DOCK1: variants seen among roughly 807,000 people sequenced by gnomAD.
The protein encoded by DOCK1 is dedicator of cytokinesis protein 1.
A neutral mutation model predicts 262.7 loss-of-function variants in DOCK1; 138 were observed. That is an observed-to-expected ratio of 0.53 (90% CI 0.46 to 0.61). The LOEUF (loss-of-function observed/expected upper bound fraction) is 0.61. DOCK1 is among the 20% of genes least tolerant of loss of function. The probability of loss-of-function intolerance (pLI) is 0.00; values close to 1 mark genes in which losing one functional copy is unlikely to be tolerated. For synonymous variants in DOCK1, 866 were observed against 867.4 expected, an observed-to-expected ratio of 1.00 and a Z score of 0.03; for missense variants, 1,908 against 2,370.7, an observed-to-expected ratio of 0.80 and a Z score of 4.05.
chr10:126,914,571 T>G (rs2032240946), intron 1 of DOCK1, among the ~76,000 whole-genome samples: 1 of 152,076 alleles, frequency 6.6e-6, no homozygotes, highest in Admixed American at 6.6e-5. Context: ...AAAAACTTTT[T>G]TAAGGAGATT....
At chr10:127,275,793 C>T (rs2060720393) in intron 29 of DOCK1, among the ~76,000 whole-genome samples, 1 of 152,044 alleles carries the variant, frequency 6.6e-6, no homozygotes, top group Admixed American at 6.5e-5. Flanking sequence ...GAAAAAAACC[C>T]ATGTGACTTC....
chr10:127,419,651 C>T lies in DOCK1; in HGVS notation c.4693-15C>T, dbSNP rs2068376980. ...CTGAGCAGGTGCACTGAGCAACTCT[C>T]CTTGTCTCCACCAGGCCTTCTTTAC... On this transcript the variant is annotated splice_polypyrimidine_tract_variant and intron_variant, in intron 45 of 51. Transcript: ENST00000623213. 1 of 1,593,912 alleles carries T rather than the reference C, an allele frequency of 6.3e-7. No homozygotes were observed. The highest frequency in any genetic ancestry group is 8.5e-7 in the Non-Finnish European group (1 of 1,169,596).
intron 29 of DOCK1, among the ~76,000 whole-genome samples, chr10:127,333,634 T>G (rs1336797316): frequency 6.6e-6 from 1 of 152,208 alleles, no homozygotes; most frequent in Non-Finnish European, 1.5e-5. Flanking sequence ...GCCCTTTTTG[T>G]TCAAGAACAA....
At chr10:127,366,699 C>T (rs2064935170) in intron 33 of DOCK1, among the ~76,000 whole-genome samples, 1 of 152,180 alleles carries the variant, frequency 6.6e-6, no homozygotes. Context: ...GTAGAGTGGA[C>T]ATGTGTGTGG....
At chr10:127,036,771 C>T (rs748467921) in intron 18 of DOCK1, among the ~76,000 whole-genome samples, 38 of 151,770 alleles carry the variant, frequency 2.5e-4, no homozygotes, top group African/African-American at 7.2e-4. Context: ...ATCAGGAGTT[C>T]GAGATCAGCC....
At chr10:127,159,630 ATATT>A (rs1402323828) in intron 27 of DOCK1, among the ~76,000 whole-genome samples, 2 of 152,146 alleles carry the variant, frequency 1.3e-5, no homozygotes, top group African/African-American at 4.8e-5. Context: ...GCACCTTTGT[ATATT>A]TATTTTAAAA....
chr10:127,138,137 TTAA>T lies in DOCK1; in HGVS notation c.2847+10379_2847+10381del, dbSNP rs2050864128. ...TGTGTTTGTAATGTAATTTTATGGTTTAATAATAGCAATTCGATATACTATGTT... is the reference window on the plus strand; with the variant it reads ...TGTGTTTGTAATGTAATTTTATGGTTTAATAGCAATTCGATATACTATGTT... On this transcript the variant is annotated intron_variant, in intron 27 of 51. Coordinates refer to ENST00000623213, the MANE Select transcript of DOCK1 (RefSeq NM_001290223.2). 4.5e-6 allele frequency: 4 copies of T among 883,834 alleles called. No homozygotes were observed. The African/African-American group carries it at 5.0e-5, about 11-fold the overall frequency. The allele number at this position is 883,834 out of a possible 1,614,324, so 54.7% of individuals were successfully genotyped here. A position where few individuals can be genotyped will look rare whatever the true frequency, so the allele number is the denominator to read the frequency against.
At chr10:127,295,683 T>TA (rs34549951) in intron 29 of DOCK1, among the ~76,000 whole-genome samples, 5,751 of 135,966 alleles carry the variant, frequency 0.042, 348 homozygotes, top group African/African-American at 0.14. Flanking sequence ...CCCACCCCGA[T>TA]AAAAAAAAAA....
chr10:127,151,232 C>G (rs1592243958), intron 27 of DOCK1, among the ~76,000 whole-genome samples: 1 of 152,128 alleles, frequency 6.6e-6, no homozygotes, highest in South Asian at 2.1e-4. Flanking sequence ...GAGCTATGTT[C>G]CACTTGGTAG....
chr10:127,343,593 A>T (rs1459674347), intron 30 of DOCK1, 53 bp from the exon 31 acceptor site: 2 of 1,358,528 alleles, frequency 1.5e-6, no homozygotes, highest in East Asian at 2.4e-5. Flanking sequence ...CATTGTTGAG[A>T]TCCTATATCA....
At chr10:126,927,066 T>C (rs559543108) in intron 1 of DOCK1, among the ~76,000 whole-genome samples, 10 of 152,326 alleles carry the variant, frequency 6.6e-5, no homozygotes, top group East Asian at 1.9e-4. Context: ...CTTCAGACCA[T>C]TGGCGCCCTG....
chr10:127,410,089 A>C (rs975907274), intron 42 of DOCK1, among the ~76,000 whole-genome samples: 3 of 152,198 alleles, frequency 2.0e-5, no homozygotes, highest in Admixed American at 2.0e-4. Flanking sequence ...CATATTCCTT[A>C]GGATCAGCTT....
chr10:127,043,655 C>T (rs1162842099), intron 21 of DOCK1, among the ~76,000 whole-genome samples: 1 of 152,172 alleles, frequency 6.6e-6, no homozygotes, highest in Non-Finnish European at 1.5e-5. Flanking sequence ...TCCTTCTATC[C>T]ACCCCTCTGC....
chr10:127,066,156 G>T (rs946855), intron 23 of DOCK1, among the ~76,000 whole-genome samples: 112,727 of 151,976 alleles, frequency 0.74, 42,023 homozygotes, highest in East Asian at 0.8. Context: ...CTCTGCCCTC[G>T]AGTCGTGTTC....
intron 20 of DOCK1, 102 bp downstream of exon 20, chr10:127,042,816 G>A (rs1564756619): frequency 4.1e-6 from 5 of 1,229,330 alleles, no homozygotes; most frequent in African/African-American, 1.5e-5. Flanking sequence ...GACCTTGAAC[G>A]CATTTTCAGT....
chr10:126,972,105 G>A (rs904040877), intron 2 of DOCK1, among the ~76,000 whole-genome samples: 14 of 151,728 alleles, frequency 9.2e-5, no homozygotes, highest in Non-Finnish European at 1.9e-4. Context: ...TAGTAGTGAC[G>A]GGGTTTCTCC....
intron 27 of DOCK1, among the ~76,000 whole-genome samples, chr10:127,230,704 CCT>C (rs1023330298): frequency 1.2e-4 from 18 of 151,544 alleles, no homozygotes; most frequent in Middle Eastern, 3.4e-3. Flanking sequence ...TAGTCTGATG[CCT>C]CCATCTTTGT....
chr10:127,294,306 G>A lies in DOCK1; in HGVS notation c.3044+36877G>A, dbSNP rs192321660. On this transcript the variant is annotated intron_variant, in intron 29 of 51. Transcript: ENST00000623213. The stretch of plus-strand genomic sequence containing the variant: ...GTTTTGCTTTTTGTTGTCGTTTTTT[G>A]TTTTGTTTTGTTTTGTTTTTTGTTT... 3.5e-4 allele frequency among the ~76,000 whole-genome samples: 53 copies of A among 151,304 alleles called. No homozygotes were observed. The East Asian group carries it at 8.8e-3, about 25-fold the overall frequency.
chr10:127,031,840 A>G, intron 17 of DOCK1, 87 bp downstream of exon 17: 1 of 1,184,152 alleles, frequency 8.4e-7, no homozygotes, highest in African/African-American at 1.5e-5. Context: ...CTTTCCCATC[A>G]TTGTGAGGAA....
Sources: gnomAD v4.1 joint callset for allele counts (sites outside exome capture counted in the v4.1 genomes callset) on GRCh38, gnomAD v4.1.1 for gene constraint, MANE v1.5 for transcripts, NCBI Gene and HGNC (gene_info 2026-07-23, HGNC 2026-07-21) for gene names.